Variants in FRY observed in about 807,000 individuals in gnomAD.
The protein encoded by FRY is FRY microtubule binding protein.
FRY carries 128 observed loss-of-function variants against 348.4 expected under a neutral mutation model. The observed-to-expected ratio is 0.37, with a 90% CI of 0.32 to 0.43. FRY has a LOEUF of 0.43. Among genes scored for constraint, FRY ranks in the 20% least tolerant of loss-of-function variants. The probability of loss-of-function intolerance (pLI) is 1.00; values close to 1 mark genes in which losing one functional copy is unlikely to be tolerated. For missense variants in FRY, 2,736 were observed against 3,695.2 expected (o/e 0.74, Z 6.73); for synonymous variants, 1,370 against 1,374.7 (o/e 1.00, Z 0.08).
chr13:32,059,163 G>T (rs993179935), intron 1 of FRY, among the ~76,000 whole-genome samples: 2 of 151,782 alleles, frequency 1.3e-5, no homozygotes, highest in South Asian at 4.2e-4. Context: ...AAGTAGGAAA[G>T]AAGAGGATAC....
chr13:32,249,209 T>C (rs1286604774), intron 48 of FRY, among the ~76,000 whole-genome samples: 1 of 152,242 alleles, frequency 6.6e-6, no homozygotes, highest in Non-Finnish European at 1.5e-5. Flanking sequence ...TATGAAATTT[T>C]TTTCAAGTTT....
intron 55 of FRY, among the ~76,000 whole-genome samples, chr13:32,272,981 T>C (rs941693880): frequency 3.3e-5 from 5 of 152,022 alleles, no homozygotes; most frequent in Admixed American, 6.6e-5. Context: ...CCTGACTTTG[T>C]GATCCTCCTG....
At position 32,239,317 on chromosome 13, in the gene FRY, TTCTGTAAGGATATAGCCGAAAGGA is replaced by T; in HGVS notation, c.6486_6509del (p.Cys2163_Ile2170del). 1 of 1,610,582 alleles carries T rather than the reference TTCTGTAAGGATATAGCCGAAAGGA, an allele frequency of 6.2e-7. No individual in the cohort carries two copies. Among genetic ancestry groups the T allele is most frequent in the South Asian group, 1.1e-5 (1 of 91,012 alleles). Reference sequence around the variant, plus strand: ...TCAGCATTTTGAAAATCCCAATCAGTTCTGTAAGGATATAGCCGAAAGGATTGCTCAGGTATGAGTTACAGTTCC... The same window carrying T: ...TCAGCATTTTGAAAATCCCAATCAGTTTGCTCAGGTATGAGTTACAGTTCC... On this transcript the variant is annotated inframe_deletion, in exon 45 of 61. Coordinates refer to ENST00000542859, the MANE Select transcript of FRY (RefSeq NM_023037.3). This position sits in a 1 kb window ranked among gnomAD's most constrained non-coding sequence, Gnocchi z 4.3.
chr13:32,049,165 G>A (rs545136459), intron 1 of FRY, among the ~76,000 whole-genome samples: 1 of 152,302 alleles, frequency 6.6e-6, no homozygotes, highest in South Asian at 2.1e-4. Flanking sequence ...CATTTTAAGA[G>A]GGAGGGAAGA....
At chr13:32,181,659 G>A (rs1336891143) in intron 23 of FRY, among the ~76,000 whole-genome samples, 1 of 148,114 alleles carries the variant, frequency 6.8e-6, no homozygotes, top group African/African-American at 2.5e-5. Context: ...CTTACCTGAA[G>A]AATCTAAGAT....
At chr13:32,068,955 G>A (rs111236561) in intron 1 of FRY, among the ~76,000 whole-genome samples, 1 of 117,482 alleles carries the variant, frequency 8.5e-6, no homozygotes, top group Non-Finnish European at 1.6e-5. Flanking sequence ...TCGCTCTGTC[G>A]CCCAGGCTGG....
intron 49 of FRY, 27 bp downstream of exon 49, chr13:32,249,714 G>T: frequency 6.2e-7 from 1 of 1,607,582 alleles, no homozygotes; most frequent in South Asian, 1.1e-5. Context: ...CCACAGTCCT[G>T]GGAGGGAGTT....
At chr13:32,067,529 G>A (rs556901809) in intron 1 of FRY, among the ~76,000 whole-genome samples, 1 of 152,312 alleles carries the variant, frequency 6.6e-6, no homozygotes, top group South Asian at 2.1e-4. Flanking sequence ...CTGTAGAGAG[G>A]ATAGATGATA....
At chr13:32,246,526 G>C (rs534310330) in intron 47 of FRY, among the ~76,000 whole-genome samples, 79 of 152,366 alleles carry the variant, frequency 5.2e-4, no homozygotes, top group African/African-American at 1.8e-3. Flanking sequence ...GCAGCAGCCT[G>C]GGGGAGATGA....
Position 32,201,971 on chromosome 13 carries a change from A to G in FRY, c.3777A>G (p.Leu1259=), listed in dbSNP as rs1373437321. 2.5e-6 allele frequency: 4 copies of G among 1,603,436 alleles called. No individual in the cohort carries two copies. Among genetic ancestry groups the G allele is most frequent in the Non-Finnish European group, 2.6e-6 (3 of 1,170,542 alleles). The part of the protein sequence containing the change: ...RNYPFDIVTL[L]NLVLFKASDT... Reference sequence around the variant, plus strand: ...ATCCCTTCGACATAGTGACATTGTTAAACCTTGTTCTATTCAAGGCCTCTG... The same window carrying G: ...ATCCCTTCGACATAGTGACATTGTTGAACCTTGTTCTATTCAAGGCCTCTG... The change falls in exon 30 of 61, where the codon TTA becomes TTG. Residue 1259 remains leucine, a synonymous_variant. Transcript: ENST00000542859.
At chr13:32,074,808 T>C (rs572247448) in intron 1 of FRY, among the ~76,000 whole-genome samples, 140 of 152,370 alleles carry the variant, frequency 9.2e-4, no homozygotes, top group African/African-American at 3.2e-3. Context: ...GATCCTTTCA[T>C]TGGGAGAGAT....
intron 4 of FRY, among the ~76,000 whole-genome samples, chr13:32,120,932 T>C (rs1271721800): frequency 6.6e-6 from 1 of 152,236 alleles, no homozygotes; most frequent in Non-Finnish European, 1.5e-5. Flanking sequence ...AGTGCTGGGA[T>C]TACAGGCGTG....
At chr13:32,087,246 C>T (rs1332974549) in intron 2 of FRY, among the ~76,000 whole-genome samples, 1 of 152,208 alleles carries the variant, frequency 6.6e-6, no homozygotes, top group African/African-American at 2.4e-5. Flanking sequence ...GGCCAGCCGG[C>T]ACAAACACTG....
In FRY at chr13:32,046,052, A is replaced by G. The variant is rs76859011; in HGVS notation, c.70+14187A>G. On this transcript the variant is annotated intron_variant, in intron 1 of 60. Transcript: ENST00000542859. ...GTCCCTCGTACACAAAACAACAGCCATCAAACTGGCCCAATGAGCTCTTTA... is the reference window on the plus strand; with the variant it reads ...GTCCCTCGTACACAAAACAACAGCCGTCAAACTGGCCCAATGAGCTCTTTA... 6.3e-3 allele frequency among the ~76,000 whole-genome samples: 958 copies of G among 152,332 alleles called. 4 individuals carry two copies. The highest frequency in any genetic ancestry group is 0.026 in the South Asian group (125 of 4,824).
At chr13:32,057,346 A>G (rs1873690255) in intron 1 of FRY, among the ~76,000 whole-genome samples, 1 of 151,708 alleles carries the variant, frequency 6.6e-6, no homozygotes, top group Non-Finnish European at 1.5e-5. Flanking sequence ...TAAATTTTGT[A>G]TTTTTAGTAG....
At chr13:32,189,716 G>GA (rs755663908) in intron 28 of FRY, among the ~76,000 whole-genome samples, 66 of 151,964 alleles carry the variant, frequency 4.3e-4, no homozygotes, top group Non-Finnish European at 8.0e-4. Flanking sequence ...AACATTTAAA[G>GA]AAAAAATTGC....
intron 16 of FRY, among the ~76,000 whole-genome samples, chr13:32,158,304 C>G (rs1881233626): frequency 6.6e-6 from 1 of 151,054 alleles, no homozygotes; most frequent in Non-Finnish European, 1.5e-5. Flanking sequence ...GTGATTCCTT[C>G]CAGACCTTTC....
chr13:32,282,323 G>A (rs1456402567), intron 58 of FRY, among the ~76,000 whole-genome samples: 1 of 152,188 alleles, frequency 6.6e-6, no homozygotes, highest in African/African-American at 2.4e-5. Flanking sequence ...GGGACAGGTA[G>A]AATGGGGATA....
At chr13:32,034,967 C>G (rs1375299639) in intron 1 of FRY, among the ~76,000 whole-genome samples, 4 of 152,194 alleles carry the variant, frequency 2.6e-5, no homozygotes, top group African/African-American at 9.7e-5. Flanking sequence ...TGCATGGCTT[C>G]GGACAGTTAA....
Sources: gnomAD v4.1 joint callset for allele counts (sites outside exome capture counted in the v4.1 genomes callset) on GRCh38, gnomAD v4.1.1 for gene constraint, Gnocchi (gnomAD v3.1) non-coding constraint, MANE v1.5 for transcripts, NCBI Gene and HGNC (gene_info 2026-07-23, HGNC 2026-07-21) for gene names.